The following COP1 variants were observed in gnomAD, a reference collection of about 807,000 sequenced individuals.
The protein encoded by COP1 is E3 ubiquitin-protein ligase COP1.
In COP1, 24 loss-of-function variants were observed where a neutral mutation model predicts 101.3. The ratio of observed to expected loss-of-function variants is 0.24; its 90% confidence interval spans 0.17 to 0.33. COP1 has a LOEUF of 0.33. Among genes scored for constraint, COP1 ranks in the 10% least tolerant of loss-of-function variants. COP1 has a pLI of 1.00. For synonymous variants in COP1, 347 were observed against 341.9 expected, an observed-to-expected ratio of 1.01 and a Z score of -0.17; for missense variants, 663 against 906.2, an observed-to-expected ratio of 0.73 and a Z score of 3.45.
intron 11 of COP1, among the ~76,000 whole-genome samples, chr1:176,055,480 A>T (rs1673313890): frequency 6.6e-6 from 1 of 152,224 alleles, no homozygotes; most frequent in Non-Finnish European, 1.5e-5. Flanking sequence ...AGCTAAGCTA[A>T]GCTCTTGTAC....
chr1:176,069,143 C>A (rs572983871), intron 11 of COP1, among the ~76,000 whole-genome samples: 2 of 151,466 alleles, frequency 1.3e-5, no homozygotes, highest in African/African-American at 4.9e-5. Flanking sequence ...CAGGATTGCA[C>A]GACTGCACTC....
At position 176,162,922 on chromosome 1, in the gene COP1, T is replaced by C. The variant is rs1210171421; in HGVS notation, c.709A>G (p.Asn237Asp). The change falls in exon 5 of 20, where the codon AAT becomes GAT. Residue 237 changes from asparagine to aspartate, a missense_variant. Coordinates refer to ENST00000367669, the MANE Select transcript of COP1 (RefSeq NM_022457.7). ...GTDQDNLDLA[N>D]VNLMLELLVQ... ...AGTAACTCCAACATAAGATTGACAT[T>C]GGCCAAATCAAGGTTATCTTGGTCA... 1.9e-6 allele frequency: 3 copies of C among 1,609,452 alleles called. No homozygotes were observed. Among genetic ancestry groups the C allele is most frequent in the East Asian group, 4.5e-5 (2 of 44,708 alleles).
intron 6 of COP1, among the ~76,000 whole-genome samples, chr1:176,142,261 G>C (rs1281454066): frequency 6.6e-6 from 1 of 151,128 alleles, no homozygotes; most frequent in Non-Finnish European, 1.5e-5. Flanking sequence ...AATCAAAATG[G>C]AATTCCGAAA....
intron 15 of COP1, among the ~76,000 whole-genome samples, chr1:176,004,147 CTGTT>C (rs1286231406): frequency 2.6e-5 from 4 of 151,388 alleles, no homozygotes; most frequent in Non-Finnish European, 4.4e-5. Flanking sequence ...ATTCGGCTCT[CTGTT>C]TGTCTGTTGT....
intron 1 of COP1, among the ~76,000 whole-genome samples, chr1:176,200,470 T>C (rs1361519955): frequency 6.6e-6 from 1 of 152,208 alleles, no homozygotes; most frequent in Non-Finnish European, 1.5e-5. Flanking sequence ...CACTTGAGCA[T>C]GGATCATGTG....
Position 175,988,417 on chromosome 1 carries a change from G to C in COP1, c.1848-5C>G, listed in dbSNP as rs758494298. 3 of 1,589,212 alleles carry C rather than the reference G, an allele frequency of 1.9e-6. No homozygotes were observed. The highest frequency in any genetic ancestry group is 1.7e-6 in the Non-Finnish European group (2 of 1,165,258). On this transcript the variant is annotated splice_polypyrimidine_tract_variant and splice_region_variant and intron_variant, in intron 16 of 19. Coordinates refer to ENST00000367669, the MANE Select transcript of COP1 (RefSeq NM_022457.7). ...TTTAGCTGACTGTCTGTTGAGCTGAGGAAAAGTACAAAGAGTAAGAACTTA... is the reference window on the plus strand; with the variant it reads ...TTTAGCTGACTGTCTGTTGAGCTGACGAAAAGTACAAAGAGTAAGAACTTA...
chr1:176,154,487 A>T (rs1693151050), intron 5 of COP1, among the ~76,000 whole-genome samples: 1 of 152,178 alleles, frequency 6.6e-6, no homozygotes, highest in South Asian at 2.1e-4. Flanking sequence ...CCTCTGCAGG[A>T]ACATAAATGA....
At chr1:176,047,746 T>C (rs897630629) in intron 11 of COP1, among the ~76,000 whole-genome samples, 2 of 152,174 alleles carry the variant, frequency 1.3e-5, no homozygotes, top group Non-Finnish European at 2.9e-5. Flanking sequence ...AGAAGCTTGC[T>C]GAACTGATGA....
At chr1:175,973,835 G>A (rs189074709) in intron 18 of COP1, among the ~76,000 whole-genome samples, 1 of 152,264 alleles carries the variant, frequency 6.6e-6, no homozygotes, top group Non-Finnish European at 1.5e-5. Context: ...GTAACAAACA[G>A]AAGTGCAGGA....
intron 15 of COP1, among the ~76,000 whole-genome samples, chr1:176,027,251 A>G (rs571581597): frequency 9.2e-5 from 14 of 152,336 alleles, no homozygotes; most frequent in African/African-American, 3.4e-4. Context: ...TAGCTTAATA[A>G]TAGCTTAATT....
chr1:176,023,495 G>C (rs921030678), intron 15 of COP1, among the ~76,000 whole-genome samples: 1 of 151,872 alleles, frequency 6.6e-6, no homozygotes, highest in African/African-American at 2.4e-5. Context: ...GAGGCGGGTG[G>C]ATCACCTGAG....
chr1:176,042,679 C>T (rs936668520), intron 14 of COP1, among the ~76,000 whole-genome samples: 4 of 147,416 alleles, frequency 2.7e-5, no homozygotes, highest in Non-Finnish European at 4.5e-5. Context: ...TGCAGTGAGC[C>T]GAGACTGCGC....
In COP1 at chr1:176,157,860, C is replaced by T. The variant is rs199739617; in HGVS notation, c.762+5009G>A. Among the ~76,000 whole-genome samples the T allele has an allele frequency of 2.0e-5, 3 of 151,952 alleles. No homozygotes were observed. The East Asian group carries it at 5.8e-4, about 29-fold the overall frequency. On this transcript the variant is annotated intron_variant, in intron 5 of 19. Coordinates refer to ENST00000367669, the MANE Select transcript of COP1 (RefSeq NM_022457.7). The stretch of plus-strand genomic sequence containing the variant: ...ATTGAAGACAGCAATAGAAACTATC[C>T]AAAATGCACTAGAAAGATGAATAAG...
At chr1:176,187,135 C>CT (rs1396181741) in intron 1 of COP1, among the ~76,000 whole-genome samples, 1 of 151,884 alleles carries the variant, frequency 6.6e-6, no homozygotes, top group African/African-American at 2.4e-5. Context: ...GGTCTCCATT[C>CT]TTTTTTTGAG....
intron 8 of COP1, among the ~76,000 whole-genome samples, chr1:176,126,392 CTA>C: frequency 6.6e-6 from 1 of 152,122 alleles, no homozygotes; most frequent in East Asian, 1.9e-4. Flanking sequence ...TGTGTTCCTT[CTA>C]TAACCAGTTC....
chr1:176,143,208 T>A (rs550579532), intron 6 of COP1, among the ~76,000 whole-genome samples: 1 of 151,500 alleles, frequency 6.6e-6, no homozygotes, highest in East Asian at 1.9e-4. Context: ...CCTGGTGACA[T>A]TAAAAACTTA....
At chr1:176,195,340 G>C (rs558524872) in intron 1 of COP1, among the ~76,000 whole-genome samples, 15 of 152,338 alleles carry the variant, frequency 9.8e-5, no homozygotes, top group African/African-American at 3.6e-4. Context: ...AGCAAAAGCT[G>C]AGAAAACTAA....
intron 9 of COP1, among the ~76,000 whole-genome samples, chr1:176,086,467 C>T (rs1032166069): frequency 7.9e-5 from 12 of 152,054 alleles, no homozygotes; most frequent in African/African-American, 2.9e-4. Flanking sequence ...ACCTCATGAT[C>T]CACCCGCCTC....
chr1:175,954,035 G>A (rs1030425620), intron 18 of COP1, among the ~76,000 whole-genome samples: 10 of 152,128 alleles, frequency 6.6e-5, no homozygotes, highest in Admixed American at 2.0e-4. Context: ...CCCCAACAAA[G>A]ATGTGTCAGA....
Sources: gnomAD v4.1 joint callset for allele counts (sites outside exome capture counted in the v4.1 genomes callset) on GRCh38, gnomAD v4.1.1 for gene constraint, MANE v1.5 for transcripts, NCBI Gene and HGNC (gene_info 2026-07-23, HGNC 2026-07-21) for gene names.